EIF4EBP1: variants seen among roughly 807,000 people sequenced by gnomAD.
EIF4EBP1 encodes the protein eukaryotic translation initiation factor 4E-binding protein 1.
Under a neutral mutation model 9.2 loss-of-function variants are expected in EIF4EBP1, and 5 were observed. That is an observed-to-expected ratio of 0.54 (90% confidence interval 0.28 to 1.14). EIF4EBP1 has a LOEUF of 1.14. EIF4EBP1 is among the 50% of genes most tolerant of loss of function. EIF4EBP1 has a pLI of 0.09. For missense variants in EIF4EBP1, 139 were observed against 169.6 expected, an observed-to-expected ratio of 0.82 and a Z score of 1.00; for synonymous variants, 62 against 67.0, an observed-to-expected ratio of 0.93 and a Z score of 0.36.
chr8:38,059,698 G>A (rs1208335087), intron 2 of EIF4EBP1, among the ~76,000 whole-genome samples: 2 of 151,538 alleles, frequency 1.3e-5, no homozygotes, highest in Non-Finnish European at 1.5e-5. Flanking sequence ...GGAGGTTGCA[G>A]TGAGCCGAAA....
rs1452820127 is a variant in EIF4EBP1 at position 38,030,586 on chromosome 8, A to C, written c.13A>C (p.Ser5Arg). 2.0e-6 allele frequency: 3 copies of C among 1,515,072 alleles called. No homozygotes were observed. Among genetic ancestry groups the C allele is most frequent in the Non-Finnish European group, 2.6e-6 (3 of 1,138,140 alleles). The allele number at this position is 1,515,072 out of a possible 1,614,324, so 93.9% of individuals were successfully genotyped here. A position where few individuals can be genotyped will look rare whatever the true frequency, so the allele number is the denominator to read the frequency against. MSGG[S>R]SCSQTPSRAI... ...CGCACAGGAGACCATGTCCGGGGGCAGCAGCTGCAGCCAGACCCCAAGCCG... is the reference window on the plus strand; with the variant it reads ...CGCACAGGAGACCATGTCCGGGGGCCGCAGCTGCAGCCAGACCCCAAGCCG... The change falls in exon 1 of 3, where the codon AGC becomes CGC. Residue 5 changes from serine (S) to arginine (R), a missense_variant. Coordinates refer to ENST00000338825, the MANE Select transcript of EIF4EBP1 (RefSeq NM_004095.4).
chr8:38,039,497 C>A, intron 1 of EIF4EBP1, among the ~76,000 whole-genome samples: 1 of 151,070 alleles, frequency 6.6e-6, no homozygotes, highest in Non-Finnish European at 1.5e-5. Flanking sequence ...CCTCTGCCTC[C>A]CAGGTTCAAG....
chr8:38,032,888 G>C (rs1809243782), intron 1 of EIF4EBP1, among the ~76,000 whole-genome samples: 1 of 152,104 alleles, frequency 6.6e-6, no homozygotes, highest in South Asian at 2.1e-4. Context: ...GGGCAGAGAA[G>C]CCAAAATGGT....
At chr8:38,053,872 A>G (rs1809557046) in intron 1 of EIF4EBP1, among the ~76,000 whole-genome samples, 1 of 152,212 alleles carries the variant, frequency 6.6e-6, no homozygotes, top group Non-Finnish European at 1.5e-5. Flanking sequence ...GACAGAAAGT[A>G]GAACCCTGCT....
At chr8:38,048,272 C>CA (rs111437737) in intron 1 of EIF4EBP1, among the ~76,000 whole-genome samples, 257 of 135,624 alleles carry the variant, frequency 1.9e-3, no homozygotes, top group African/African-American at 4.4e-3. Flanking sequence ...GACCCTGTTT[C>CA]AAAAAAAAAA....
intron 1 of EIF4EBP1, among the ~76,000 whole-genome samples, chr8:38,039,855 C>CT (rs1174439211): frequency 6.6e-6 from 1 of 151,618 alleles, no homozygotes; most frequent in Non-Finnish European, 1.5e-5. Flanking sequence ...GACTTTTTTT[C>CT]TTTTTTTTAA....
intron 1 of EIF4EBP1, among the ~76,000 whole-genome samples, chr8:38,040,723 A>G (rs1809366140): frequency 6.6e-6 from 1 of 152,194 alleles, no homozygotes; most frequent in Non-Finnish European, 1.5e-5. Context: ...TCAGTAGTCT[A>G]GCTTGAGTTT....
chr8:38,030,555 G>T lies in EIF4EBP1; in HGVS notation c.-19G>T. 6.7e-7 allele frequency: 1 copy of T among 1,498,058 alleles called. No homozygotes were observed. The highest frequency in any genetic ancestry group is 8.9e-7 in the Non-Finnish European group (1 of 1,129,858). The allele number at this position is 1,498,058 out of a possible 1,614,324, so 92.8% of individuals were successfully genotyped here. A position where few individuals can be genotyped will look rare whatever the true frequency, so the allele number is the denominator to read the frequency against. On this transcript the variant is annotated 5_prime_UTR_variant, in exon 1 of 3. Coordinates refer to ENST00000338825, the MANE Select transcript of EIF4EBP1 (RefSeq NM_004095.4). ...CGGGAGGGCAGCGAGAGGTTCGCGG[G>T]TGCAGCGCACAGGAGACCATGTCCG... is the stretch of plus-strand genomic sequence containing the variant.
chr8:38,042,113 C>G (rs1259248498), intron 1 of EIF4EBP1, among the ~76,000 whole-genome samples: 1 of 152,168 alleles, frequency 6.6e-6, no homozygotes, highest in Non-Finnish European at 1.5e-5. Flanking sequence ...TCTTCCCCCT[C>G]CAAGTGTCCT....
intron 1 of EIF4EBP1, among the ~76,000 whole-genome samples, chr8:38,051,787 G>A (rs138363661): frequency 4.2e-4 from 64 of 152,172 alleles, no homozygotes; most frequent in African/African-American, 1.5e-3. Flanking sequence ...AATAGAGGCG[G>A]GATTTCGCCA....
Position 38,030,719 on chromosome 8 carries a change from G to T in EIF4EBP1, c.145+1G>T, listed in dbSNP as rs1809204451. 1.4e-6 allele frequency: 2 copies of T among 1,395,612 alleles called. No homozygotes were observed. Among genetic ancestry groups the T allele is most frequent in the African/African-American group, 1.5e-5 (1 of 66,326 alleles). The allele number at this position is 1,395,612 out of a possible 1,614,324, so 86.5% of individuals were successfully genotyped here. On this transcript the variant is annotated splice_donor_variant, in intron 1 of 2. Transcript: ENST00000338825. LOFTEE classifies it high-confidence loss of function. Reference sequence around the variant, plus strand: ...ACGCTCTTCAGCACCACCCCGGGAGGTAGGCGCGGGCTTGGCGACGCCGCT... The same window carrying T: ...ACGCTCTTCAGCACCACCCCGGGAGTTAGGCGCGGGCTTGGCGACGCCGCT...
At chr8:38,057,396 GC>G in intron 2 of EIF4EBP1, 136 bp downstream of exon 2, 1 of 1,100,124 alleles carries the variant, frequency 9.1e-7, no homozygotes, top group Non-Finnish European at 1.3e-6. Flanking sequence ...GCAGCTCAGA[GC>G]CCAGAGGGTG....
intron 1 of EIF4EBP1, among the ~76,000 whole-genome samples, chr8:38,054,525 A>C (rs753229073): frequency 2.6e-5 from 4 of 152,106 alleles, no homozygotes; most frequent in African/African-American, 4.8e-5. Flanking sequence ...AAAGATTAAG[A>C]AACAACAGAA....
chr8:38,044,943 G>A (rs1809431454), intron 1 of EIF4EBP1, among the ~76,000 whole-genome samples: 1 of 152,154 alleles, frequency 6.6e-6, no homozygotes, highest in South Asian at 2.1e-4. Flanking sequence ...AACGATTGCT[G>A]TATGCACCTC....
In EIF4EBP1 at chr8:38,039,679, C is replaced by G. The variant is rs140672402; in HGVS notation, c.145+8961C>G. The stretch of plus-strand genomic sequence containing the variant: ...TCAGCCTCCCAAAGTGCTGGAATTA[C>G]AGGCGTGAGCCACTGCACCTGGCCC... On this transcript the variant is annotated intron_variant, in intron 1 of 2. Transcript: ENST00000338825. Among the ~76,000 whole-genome samples the G allele has an allele frequency of 3.4e-3, 512 of 152,278 alleles. 2 individuals are homozygous for G. The highest frequency in any genetic ancestry group is 0.011 in the African/African-American group (452 of 41,546).
chr8:38,030,695 C>T lies in EIF4EBP1; in HGVS notation c.122C>T (p.Thr41Met). The change falls in exon 1 of 3, where the codon ACG (threonine) becomes ATG (methionine). Residue 41 changes from threonine (T) to methionine (M), a missense_variant. Transcript: ENST00000338825. ...PGDYSTTPGG[T>M]LFSTTPGGTR... The stretch of plus-strand genomic sequence containing the variant: ...GACTACAGCACGACCCCCGGCGGCA[C>T]GCTCTTCAGCACCACCCCGGGAGGT... 2.7e-6 allele frequency: 4 copies of T among 1,471,712 alleles called. No homozygotes were observed. The South Asian group carries it at 4.0e-5, about 15-fold the overall frequency. The allele number at this position is 1,471,712 out of a possible 1,614,324, so 91.2% of individuals were successfully genotyped here.
intron 1 of EIF4EBP1, among the ~76,000 whole-genome samples, chr8:38,043,177 G>C (rs1809406349): frequency 6.6e-6 from 1 of 152,160 alleles, no homozygotes; most frequent in South Asian, 2.1e-4. Context: ...GTAATGGGAG[G>C]CATTTCAGAA....
intron 1 of EIF4EBP1, among the ~76,000 whole-genome samples, chr8:38,050,302 T>G (rs766100251): frequency 6.6e-6 from 1 of 152,116 alleles, no homozygotes; most frequent in Admixed American, 6.6e-5. Context: ...GCTACAAGCC[T>G]TTCTCAGAAA....
intron 1 of EIF4EBP1, among the ~76,000 whole-genome samples, chr8:38,039,135 G>A (rs1432403857): frequency 7.2e-5 from 11 of 151,934 alleles, no homozygotes; most frequent in Non-Finnish European, 1.3e-4. Context: ...CAGGTGATCC[G>A]CCCACCTCGT....
Sources: allele counts gnomAD v4.1 joint callset (sites outside exome capture counted in the v4.1 genomes callset), GRCh38; gene constraint gnomAD v4.1.1; transcripts MANE v1.5; gene names NCBI Gene and HGNC (gene_info 2026-07-23, HGNC 2026-07-21).